Variants in KIF13B observed in about 807,000 individuals in gnomAD.
The protein encoded by KIF13B is kinesin-like protein KIF13B.
In KIF13B, 127 loss-of-function variants were observed where a neutral mutation model predicts 222.0. The ratio of observed to expected loss-of-function variants is 0.57; its 90% CI spans 0.50 to 0.66. KIF13B has a LOEUF of 0.66. Among genes scored for constraint, KIF13B ranks in the 30% least tolerant of loss-of-function variants. The pLI, the probability that KIF13B is intolerant of heterozygous loss-of-function variation, is 0.00. For synonymous variants in KIF13B, 976 were observed against 919.0 expected (o/e 1.06, Z -1.12); for missense variants, 2,173 against 2,379.0 (o/e 0.91, Z 1.80).
At chr8:29,163,647 T>C (rs901148478) in intron 12 of KIF13B, among the ~76,000 whole-genome samples, 14 of 152,158 alleles carry the variant, frequency 9.2e-5, no homozygotes, top group Non-Finnish European at 1.9e-4. Flanking sequence ...AGACCAGGTT[T>C]CTTCAATGAG....
At chr8:29,104,104 C>T (rs899786472) in intron 35 of KIF13B, among the ~76,000 whole-genome samples, 5 of 152,202 alleles carry the variant, frequency 3.3e-5, no homozygotes, top group South Asian at 2.1e-4. Context: ...TCCTCCCTGG[C>T]GCCGCCACCT....
intron 36 of KIF13B, among the ~76,000 whole-genome samples, chr8:29,097,282 A>G (rs180863481): frequency 1.8e-5 from 2 of 110,054 alleles, no homozygotes; most frequent in South Asian, 6.8e-4. Context: ...TAAATGTGTT[A>G]TATCAGGAAG....
intron 2 of KIF13B, among the ~76,000 whole-genome samples, chr8:29,240,377 A>C (rs1463381695): frequency 6.6e-6 from 1 of 152,124 alleles, no homozygotes; most frequent in Non-Finnish European, 1.5e-5. Context: ...ATAAAGTGAA[A>C]ATGTGAAGAA....
chr8:29,186,390 T>A lies in KIF13B; in HGVS notation c.399A>T (p.Arg133=), dbSNP rs1376158899. ...IPRLCSGLFE[R]TQKEENEEQS... ...GTTCTTCATTTTCCTCTTTCTGAGT[T>A]CGTTCAAAGAGTCCACTGCAAAGTC... Residue 133 remains arginine, a synonymous_variant, in exon 6 of 40, where the codon CGA becomes CGT. Coordinates refer to ENST00000524189, the MANE Select transcript of KIF13B (RefSeq NM_015254.4). 2.0e-5 allele frequency: 33 copies of A among 1,613,742 alleles called. No homozygotes were observed. The highest frequency in any genetic ancestry group is 2.8e-5 in the Non-Finnish European group (33 of 1,179,724).
chr8:29,238,197 A>T (rs538913771), intron 2 of KIF13B, among the ~76,000 whole-genome samples: 1 of 152,250 alleles, frequency 6.6e-6, no homozygotes, highest in African/African-American at 2.4e-5. Context: ...CTAAAAAGTC[A>T]TTATCTAATA....
At chr8:29,106,440 T>C (rs577348901) in intron 35 of KIF13B, among the ~76,000 whole-genome samples, 97 of 152,246 alleles carry the variant, frequency 6.4e-4, no homozygotes, top group African/African-American at 2.3e-3. Context: ...GAGACCAGGC[T>C]GGCCAACATG....
intron 1 of KIF13B, among the ~76,000 whole-genome samples, chr8:29,253,329 G>A (rs1367852129): frequency 6.6e-6 from 1 of 151,114 alleles, no homozygotes; most frequent in African/African-American, 2.4e-5. Flanking sequence ...GGGCAACAGA[G>A]CAAGACCCCA....
At chr8:29,107,685 C>T (rs1022830998) in intron 35 of KIF13B, among the ~76,000 whole-genome samples, 1 of 151,786 alleles carries the variant, frequency 6.6e-6, no homozygotes, top group Non-Finnish European at 1.5e-5. Context: ...CTTAGCCTCC[C>T]GAGTAGCTGG....
In KIF13B at chr8:29,122,643, G is replaced by C. The variant is rs1297430454; in HGVS notation, c.3483C>G (p.Thr1161=). The C allele has an allele frequency of 6.2e-7, 1 of 1,607,122 alleles. No homozygotes were observed. The highest frequency in any genetic ancestry group is 8.5e-7 in the Non-Finnish European group (1 of 1,176,634). Residue 1161 remains threonine, a synonymous_variant, in exon 29 of 40, where the codon ACC becomes ACG. Coordinates refer to ENST00000524189, the MANE Select transcript of KIF13B (RefSeq NM_015254.4). Reference sequence around the variant, plus strand: ...TGTGTGTCTCCATCCCAGGTACTGGGGTCCTAAAACGGGAAGAACAAATGG... The same window carrying C: ...TGTGTGTCTCCATCCCAGGTACTGGCGTCCTAAAACGGGAAGAACAAATGG... ...SGIPGAPAEW[T]PVPGMETHIP...
At chr8:29,146,655 GT>G in intron 17 of KIF13B, 115 bp from the exon 18 acceptor site, 1 of 911,706 alleles carries the variant, frequency 1.1e-6, no homozygotes, top group Non-Finnish European at 1.7e-6. Context: ...AGCTTTTTCC[GT>G]GGTCGTCTGC....
intron 6 of KIF13B, among the ~76,000 whole-genome samples, chr8:29,182,482 T>C (rs1001527884): frequency 1.3e-5 from 2 of 152,162 alleles, no homozygotes; most frequent in African/African-American, 2.4e-5. Flanking sequence ...AAAAGAGCCA[T>C]GCGCTTTAAT....
rs562557125 is a variant in KIF13B at position 29,106,472 on chromosome 8, A to G, written c.4215+1667T>C. On this transcript the variant is annotated intron_variant, in intron 35 of 39. Coordinates refer to ENST00000524189, the MANE Select transcript of KIF13B (RefSeq NM_015254.4). ...CATGGTGAAACCCCGTCTCTACTAAAAATACAAAAGTTAGTAGGGCGTGGT... is the reference window on the plus strand; with the variant it reads ...CATGGTGAAACCCCGTCTCTACTAAGAATACAAAAGTTAGTAGGGCGTGGT... 6.4e-4 allele frequency among the ~76,000 whole-genome samples: 97 copies of G among 151,420 alleles called. 2 individuals carry two copies. In the South Asian group the frequency reaches 0.018, roughly 29 times the overall value.
chr8:29,250,546 ACTTAAAAATGTCC>A (rs748617403), intron 1 of KIF13B, among the ~76,000 whole-genome samples: 11 of 152,236 alleles, frequency 7.2e-5, no homozygotes, highest in Non-Finnish European at 1.3e-4. Context: ...AGAGACGGCA[ACTTAAAAATGTCC>A]CTTACATCTA....
In KIF13B at chr8:29,127,275, C is replaced by A; in HGVS notation, c.3076-7G>T. 1 of 1,612,338 alleles carries A rather than the reference C, an allele frequency of 6.2e-7. No individual in the cohort carries two copies. The highest frequency in any genetic ancestry group is 8.5e-7 in the Non-Finnish European group (1 of 1,179,048). ...GAACTCTCCGGGACTGCCCCTGGGTCACAGACAATTTAGAGTCTTAAAATC... is the reference window on the plus strand; with the variant it reads ...GAACTCTCCGGGACTGCCCCTGGGTAACAGACAATTTAGAGTCTTAAAATC... On this transcript the variant is annotated splice_region_variant and splice_polypyrimidine_tract_variant and intron_variant, in intron 24 of 39. Coordinates refer to ENST00000524189, the MANE Select transcript of KIF13B (RefSeq NM_015254.4).
intron 20 of KIF13B, 41 bp downstream of exon 20, chr8:29,140,427 A>G (rs752280764): frequency 6.3e-7 from 1 of 1,586,926 alleles, no homozygotes; most frequent in Non-Finnish European, 8.6e-7. Flanking sequence ...TGTTTCTTAA[A>G]CTATTCTCTA....
chr8:29,078,378 C>T (rs924351553), intron 37 of KIF13B, among the ~76,000 whole-genome samples: 2 of 151,640 alleles, frequency 1.3e-5, no homozygotes, highest in Non-Finnish European at 2.9e-5. Flanking sequence ...ATGAAGGGGG[C>T]TTTTGGCACA....
intron 37 of KIF13B, among the ~76,000 whole-genome samples, chr8:29,080,124 T>C (rs1278478052): frequency 1.3e-5 from 2 of 152,058 alleles, no homozygotes; most frequent in African/African-American, 4.8e-5. Flanking sequence ...GGAAGATCAC[T>C]TGAGCCTAGG....
intron 36 of KIF13B, among the ~76,000 whole-genome samples, chr8:29,095,716 A>G (rs1808490778): frequency 6.6e-6 from 1 of 152,192 alleles, no homozygotes; most frequent in African/African-American, 2.4e-5. Flanking sequence ...GTGGTGAGCC[A>G]ACATCAGGCC....
intron 21 of KIF13B, among the ~76,000 whole-genome samples, chr8:29,135,868 C>T (rs66575701): frequency 0.17 from 26,311 of 152,134 alleles, 2,469 homozygotes; most frequent in Admixed American, 0.28. Context: ...GCACTCTACT[C>T]TGGGTGACAG....
Sources: allele counts gnomAD v4.1 joint callset (sites outside exome capture counted in the v4.1 genomes callset), GRCh38; gene constraint gnomAD v4.1.1; transcripts MANE v1.5; gene names NCBI Gene and HGNC (gene_info 2026-07-23, HGNC 2026-07-21).